Variants in NRDE2 observed in about 807,000 individuals in gnomAD.
NRDE2 encodes nuclear exosome regulator NRDE2.
NRDE2 carries 76 observed loss-of-function variants against 124.2 expected under a neutral mutation model. The ratio of observed to expected loss-of-function variants is 0.61; its 90% CI spans 0.51 to 0.74. NRDE2 has a LOEUF of 0.74. NRDE2 is among the 30% of genes least tolerant of loss of function. NRDE2 has a pLI of 0.00. For missense variants in NRDE2, 1,314 were observed against 1,417.3 expected, an observed-to-expected ratio of 0.93 and a Z score of 1.17; for synonymous variants, 489 against 528.1, an observed-to-expected ratio of 0.93 and a Z score of 1.01.
chr14:90,319,726 T>C (rs1369050839), intron 1 of NRDE2, among the ~76,000 whole-genome samples: 1 of 152,244 alleles, frequency 6.6e-6, no homozygotes, highest in Admixed American at 6.5e-5. Context: ...ACCTGTCCAT[T>C]AGTTGATGAA....
chr14:90,294,175 T>C (rs1381341958), intron 8 of NRDE2, among the ~76,000 whole-genome samples: 1 of 151,638 alleles, frequency 6.6e-6, no homozygotes. Context: ...TTATGCTAAG[T>C]TAAAAAAGCC....
chr14:90,283,140 G>C (rs1011052940), intron 12 of NRDE2, among the ~76,000 whole-genome samples: 1 of 152,100 alleles, frequency 6.6e-6, no homozygotes, highest in Non-Finnish European at 1.5e-5. Context: ...TTGCATGCTG[G>C]CCCTAATGTG....
At chr14:90,278,960 G>C in intron 13 of NRDE2, 102 bp downstream of exon 13, 1 of 814,130 alleles carries the variant, frequency 1.2e-6, no homozygotes, top group Non-Finnish European at 2.1e-6. Context: ...CATGAGCCGA[G>C]CATCCCCGGT....
chr14:90,292,395 T>A (rs1892294357), intron 9 of NRDE2, among the ~76,000 whole-genome samples: 1 of 152,114 alleles, frequency 6.6e-6, no homozygotes, highest in African/African-American at 2.4e-5. Flanking sequence ...ATTAACTGAA[T>A]GACCTGGAAG....
intron 1 of NRDE2, among the ~76,000 whole-genome samples, chr14:90,324,673 C>T (rs573634920): frequency 1.3e-3 from 83 of 65,990 alleles, no homozygotes; most frequent in African/African-American, 4.8e-3. Flanking sequence ...GCTCCGTCTC[C>T]AAAAAAAAAA....
intron 7 of NRDE2, among the ~76,000 whole-genome samples, chr14:90,300,683 T>G (rs980819137): frequency 2.7e-5 from 4 of 150,170 alleles, no homozygotes; most frequent in African/African-American, 7.4e-5. Flanking sequence ...CTGTGTAATT[T>G]CATTTGCAAC....
chr14:90,291,624 TA>T (rs111746773), intron 9 of NRDE2, among the ~76,000 whole-genome samples: 20,920 of 152,148 alleles, frequency 0.14, 1,649 homozygotes, highest in East Asian at 0.21. Context: ...GCCTCCCAGG[TA>T]AGTACCCTCT....
In NRDE2 at chr14:90,329,769, C is replaced by T. The variant is rs575285903; in HGVS notation, c.64+2072G>A. Among the ~76,000 whole-genome samples the T allele has an allele frequency of 5.7e-5, 8 of 141,400 alleles. No individual in the cohort carries two copies. The South Asian group carries it at 9.0e-4, about 16-fold the overall frequency. 92.8% of individuals were successfully genotyped at this position (141,400 alleles called of 152,430 possible). ...ACAAGAATCACTTGAAGCCAGGAGG[C>T]GGAGGTTGCAGTGAGCTGAGATTGT... is the stretch of plus-strand genomic sequence containing the variant. On this transcript the variant is annotated intron_variant, in intron 1 of 13. Coordinates refer to ENST00000354366, the MANE Select transcript of NRDE2 (RefSeq NM_017970.4).
intron 12 of NRDE2, among the ~76,000 whole-genome samples, chr14:90,282,872 G>C (rs1891993548): frequency 6.6e-6 from 1 of 152,092 alleles, no homozygotes; most frequent in Admixed American, 6.5e-5. Flanking sequence ...TCTCCATATT[G>C]GCCAGGCCGG....
intron 4 of NRDE2, among the ~76,000 whole-genome samples, chr14:90,307,643 A>T (rs1387462379): frequency 2.0e-5 from 3 of 152,134 alleles, no homozygotes; most frequent in Non-Finnish European, 2.9e-5. Context: ...TGGGAGGCCA[A>T]GGTGGGCGGA....
rs776294849 is a variant in NRDE2 at position 90,301,341 on chromosome 14, C to T, written c.1443G>A (p.Arg481=). The change falls in exon 7 of 14, where the codon CGG becomes CGA. Residue 481 remains arginine, a synonymous_variant. Transcript: ENST00000354366. ...ALFLQQCHFL[R]QAGHSEKAIS... Reference sequence around the variant, plus strand: ...TGGCCTTCTCAGAGTGGCCAGCCTGCCGCAGAAAGTGGCACTGCTGAAGAA... The same window carrying T: ...TGGCCTTCTCAGAGTGGCCAGCCTGTCGCAGAAAGTGGCACTGCTGAAGAA... 1.7e-5 allele frequency: 27 copies of T among 1,613,754 alleles called. No individual in the cohort carries two copies. The highest frequency in any genetic ancestry group is 2.1e-5 in the Non-Finnish European group (25 of 1,179,938).
intron 4 of NRDE2, 137 bp downstream of exon 4, chr14:90,312,257 G>T: frequency 2.7e-6 from 2 of 735,962 alleles, no homozygotes; most frequent in Non-Finnish European, 4.4e-6. Flanking sequence ...TGAGACATGT[G>T]CCTGAACAAT....
chr14:90,270,365 C>T lies in NRDE2; in HGVS notation c.*7971G>A, dbSNP rs763360590. On this transcript the variant is annotated 3_prime_UTR_variant, in exon 14 of 14. Transcript: ENST00000354366. The stretch of plus-strand genomic sequence containing the variant: ...TGCTGACATCAAGGTGAGAGCCTAG[C>T]CGTGTCAGCTTATTTCTGGGAATGT... 1 of 1,608,004 alleles carries T rather than the reference C, an allele frequency of 6.2e-7. No individual in the cohort carries two copies. Among genetic ancestry groups the T allele is most frequent in the Admixed American group, 1.7e-5 (1 of 59,496 alleles).
intron 1 of NRDE2, among the ~76,000 whole-genome samples, chr14:90,323,560 T>C (rs1885315056): frequency 6.6e-6 from 1 of 152,192 alleles, no homozygotes. Flanking sequence ...GAAGAAGATT[T>C]GTTCCTTTAA....
chr14:90,276,244 A>ATCTCC lies in NRDE2; in HGVS notation c.*2091_*2092insGGAGA, dbSNP rs1891801816. ...TTTTTTTTTTTTTTTTTCGAGACGGAGTCTTGCTGTGTCGCCCAGGCTGGA... is the reference window on the plus strand; with the variant it reads ...TTTTTTTTTTTTTTTTTCGAGACGGATCTCCGTCTTGCTGTGTCGCCCAGGCTGGA... On this transcript the variant is annotated 3_prime_UTR_variant, in exon 14 of 14. Transcript: ENST00000354366. The ATCTCC allele has an allele frequency of 9.1e-6, 1 of 109,502 alleles. No individual in the cohort carries two copies. The highest frequency in any genetic ancestry group is 3.5e-5 in the African/African-American group (1 of 28,512). The allele number at this position is 109,502 out of a possible 1,614,324, so 6.8% of individuals were successfully genotyped here.
At chr14:90,292,922 C>T (rs373950464) in intron 8 of NRDE2, 50 bp from the exon 9 acceptor site, 42 of 1,554,506 alleles carry the variant, frequency 2.7e-5, no homozygotes, top group Middle Eastern at 1.7e-4. Context: ...AAACCACCAT[C>T]GCCACTCAAT....
At chr14:90,327,169 T>C (rs1310388632) in intron 1 of NRDE2, among the ~76,000 whole-genome samples, 1 of 152,164 alleles carries the variant, frequency 6.6e-6, no homozygotes, top group Admixed American at 6.5e-5. Context: ...CCTGGAGAAA[T>C]GGCCAACTCC....
chr14:90,308,549 G>A (rs549136015), intron 4 of NRDE2, among the ~76,000 whole-genome samples: 5 of 152,262 alleles, frequency 3.3e-5, no homozygotes, highest in African/African-American at 1.2e-4. Flanking sequence ...AAGAAAAAAA[G>A]ACAATGATCA....
chr14:90,289,262 G>C, intron 10 of NRDE2, 117 bp from the exon 11 acceptor site: 1 of 814,864 alleles, frequency 1.2e-6, no homozygotes, highest in Non-Finnish European at 2.0e-6. Context: ...CCTTTATCAC[G>C]GGTCTGGTAA....
Sources: gnomAD v4.1 joint callset for allele counts (sites outside exome capture counted in the v4.1 genomes callset) on GRCh38, gnomAD v4.1.1 for gene constraint, MANE v1.5 for transcripts, NCBI Gene and HGNC (gene_info 2026-07-23, HGNC 2026-07-21) for gene names.